Variants in IFIH1 observed in about 807,000 individuals in gnomAD.
IFIH1 encodes interferon-induced helicase C domain-containing protein 1.
In IFIH1, 125 loss-of-function variants were observed where a neutral mutation model predicts 107.4. The ratio of observed to expected loss-of-function variants is 1.16; its 90% confidence interval spans 1.01 to 1.35. IFIH1 has a LOEUF of 1.35. Among genes scored for constraint, IFIH1 ranks in the 40% most tolerant of loss-of-function variants. The pLI is 0.00. For synonymous variants in IFIH1, 458 were observed against 413.2 expected, an observed-to-expected ratio of 1.11 and a Z score of -1.31; for missense variants, 1,333 against 1,213.7, an observed-to-expected ratio of 1.10 and a Z score of -1.46.
intron 13 of IFIH1, among the ~76,000 whole-genome samples, chr2:162,270,955 G>A (rs1221490304): frequency 1.3e-5 from 2 of 152,130 alleles, no homozygotes; most frequent in Non-Finnish European, 2.9e-5. Context: ...ATTTAAGGTA[G>A]AGCCAATTCC....
At chr2:162,317,557 AATACAT>A (rs1236120150) in intron 1 of IFIH1, among the ~76,000 whole-genome samples, 2 of 152,248 alleles carry the variant, frequency 1.3e-5, no homozygotes, top group African/African-American at 4.8e-5. Context: ...GAACTGTAGT[AATACAT>A]TTTGAAAATG....
At chr2:162,304,513 C>A (rs1683247161) in intron 3 of IFIH1, among the ~76,000 whole-genome samples, 1 of 151,954 alleles carries the variant, frequency 6.6e-6, no homozygotes, top group African/African-American at 2.4e-5. Context: ...GAGAAAAATC[C>A]ACAAACAGGC....
chr2:162,312,164 A>G (rs907430046), intron 1 of IFIH1, among the ~76,000 whole-genome samples: 3 of 152,194 alleles, frequency 2.0e-5, no homozygotes, highest in Non-Finnish European at 2.9e-5. Context: ...CTTTTATGTC[A>G]GAAATTTGTT....
intron 3 of IFIH1, among the ~76,000 whole-genome samples, chr2:162,295,233 C>G (rs543827194): frequency 6.6e-6 from 1 of 152,092 alleles, no homozygotes; most frequent in East Asian, 1.9e-4. Context: ...CAGTGGCAAC[C>G]ACTGATCTGG....
rs61677711 is a variant in IFIH1 at position 162,304,692 on chromosome 2, G to T, written c.769+2017C>A. ...AACAAAACAAAGAGAATGAATTTGT[G>T]AAATTCTTTTTCAGCAGAAATATGA... On this transcript the variant is annotated intron_variant, in intron 3 of 15. Transcript: ENST00000649979. 4.5e-3 allele frequency among the ~76,000 whole-genome samples: 687 copies of T among 152,280 alleles called. 2 individuals carry two copies. The highest frequency in any genetic ancestry group is 0.016 in the African/African-American group (655 of 41,544).
rs887114201 is a variant in IFIH1, at chr2:162,288,167, C to A, written c.1063G>T (p.Glu355Ter). The A allele has an allele frequency of 6.2e-6, 10 of 1,612,166 alleles. No individual in the cohort carries two copies. Among genetic ancestry groups the A allele is most frequent in the Non-Finnish European group, 8.5e-6 (10 of 1,178,944 alleles). ...ACAAGAACTATAACTTTTCCAGGCT[C>A]AGATGCTTTTTTCTTCTTGTCTAAG... is the stretch of plus-strand genomic sequence containing the variant. ...DHLDKKKKAS[E>*]PGKVIVLVNK... Residue 355 changes from glutamate to a stop codon, truncating the protein, a stop_gained, in exon 5 of 16, where the codon GAG becomes TAG. Coordinates refer to ENST00000649979, the MANE Select transcript of IFIH1 (RefSeq NM_022168.4). LOFTEE classifies it high-confidence loss of function.
At chr2:162,296,843 C>T (rs1683091917) in intron 3 of IFIH1, among the ~76,000 whole-genome samples, 1 of 152,014 alleles carries the variant, frequency 6.6e-6, no homozygotes, top group Admixed American at 6.6e-5. Flanking sequence ...AAAAGAACAC[C>T]TCTGTTCTCG....
rs746002371 is a variant in IFIH1 at position 162,277,550 on chromosome 2, T to C, written c.1909A>G (p.Lys637Glu). The stretch of plus-strand genomic sequence containing the variant: ...CTATCATCTTCTATGACTGCAAACT[T>C]CTTATCTTTCTCTTCATTATAGAAA... ...ETFYNEEKDK[K>E]FAVIEDDSDE... Residue 637 changes from lysine to glutamate, a missense_variant, in exon 10 of 16, where the codon AAG (lysine) becomes GAG (glutamate). Coordinates refer to ENST00000649979, the MANE Select transcript of IFIH1 (RefSeq NM_022168.4). 7.4e-5 allele frequency: 118 copies of C among 1,602,170 alleles called. No homozygotes were observed. The highest frequency in any genetic ancestry group is 9.9e-5 in the Non-Finnish European group (116 of 1,169,422).
intron 4 of IFIH1, among the ~76,000 whole-genome samples, chr2:162,292,289 G>T (rs779453831): frequency 6.6e-6 from 1 of 151,712 alleles, no homozygotes; most frequent in Non-Finnish European, 1.5e-5. Context: ...TTATGACAAG[G>T]ATAGAAAAAA....
chr2:162,274,770 C>T (rs1263297957), intron 11 of IFIH1, among the ~76,000 whole-genome samples: 2 of 152,272 alleles, frequency 1.3e-5, no homozygotes, highest in East Asian at 3.9e-4. Flanking sequence ...CATAACCACT[C>T]TCATCAAAGC....
Position 162,272,318 on chromosome 2 carries a change from C to T in IFIH1, c.2524G>A (p.Glu842Lys), listed in dbSNP as rs79324540. The part of the protein sequence containing the change: ...LVAHSGSGVI[E>K]HETVNDFREK... Reference sequence around the variant, plus strand: ...CGGAAATCATTAACTGTCTCATGTTCGATAACTCCTGAACCACTGTGAGCA... The same window carrying T: ...CGGAAATCATTAACTGTCTCATGTTTGATAACTCCTGAACCACTGTGAGCA... Residue 842 changes from glutamate (E) to lysine (K), a missense_variant, in exon 13 of 16, where the codon GAA (glutamate) becomes AAA (lysine). By Grantham distance (56) the Glu-to-Lys change is moderately conservative (BLOSUM62 1). Transcript: ENST00000649979. 1.2e-3 allele frequency: 1,949 copies of T among 1,613,100 alleles called. 4 individuals carry two copies. Among genetic ancestry groups the T allele is most frequent in the Middle Eastern group, 3.0e-3 (18 of 6,054 alleles).
intron 6 of IFIH1, 36 bp downstream of exon 6, chr2:162,282,330 A>AT (rs749102912): frequency 1.5e-6 from 2 of 1,331,234 alleles, no homozygotes; most frequent in South Asian, 2.6e-5. Context: ...CAATATTACT[A>AT]TTAATTTTTT....
chr2:162,282,843 C>T (rs1462283776), intron 5 of IFIH1, among the ~76,000 whole-genome samples: 1 of 151,820 alleles, frequency 6.6e-6, no homozygotes, highest in African/African-American at 2.4e-5. Flanking sequence ...GCTGATCATA[C>T]AGACCAAGAC....
At chr2:162,297,787 G>T (rs944537634) in intron 3 of IFIH1, among the ~76,000 whole-genome samples, 7 of 151,956 alleles carry the variant, frequency 4.6e-5, no homozygotes, top group Non-Finnish European at 8.8e-5. Context: ...ATCCAGTTAA[G>T]AGATAGGATT....
chr2:162,268,335 T>C, intron 13 of IFIH1, 58 bp from the exon 14 acceptor site: 3 of 1,151,510 alleles, frequency 2.6e-6, no homozygotes, highest in Non-Finnish European at 2.5e-6. Flanking sequence ...TTCAGTTTCA[T>C]AGAAGTAAGT....
chr2:162,307,691 A>G (rs1297915264), intron 2 of IFIH1, among the ~76,000 whole-genome samples: 1 of 152,182 alleles, frequency 6.6e-6, no homozygotes, highest in Non-Finnish European at 1.5e-5. Flanking sequence ...TTATTATCTC[A>G]TCTTAAAGAA....
At chr2:162,308,690 T>A (rs1002632966) in intron 2 of IFIH1, among the ~76,000 whole-genome samples, 1 of 152,198 alleles carries the variant, frequency 6.6e-6, no homozygotes, top group South Asian at 2.1e-4. Flanking sequence ...GCTCATTTAA[T>A]CTTAACTATC....
intron 7 of IFIH1, 84 bp from the exon 8 acceptor site, chr2:162,280,196 A>G: frequency 1.3e-6 from 1 of 749,466 alleles, no homozygotes; most frequent in East Asian, 2.5e-5. Flanking sequence ...TCATGTAAAA[A>G]ATATGTAGCA....
intron 3 of IFIH1, among the ~76,000 whole-genome samples, chr2:162,301,167 T>C (rs1683187426): frequency 6.6e-6 from 1 of 152,112 alleles, no homozygotes; most frequent in Non-Finnish European, 1.5e-5. Flanking sequence ...AAAGAAGGTA[T>C]TAAAGTCTGA....
Sources: gnomAD v4.1 joint callset for allele counts (sites outside exome capture counted in the v4.1 genomes callset) on GRCh38, gnomAD v4.1.1 for gene constraint, MANE v1.5 for transcripts, NCBI Gene and HGNC (gene_info 2026-07-23, HGNC 2026-07-21) for gene names.